EYA2: variants seen among roughly 807,000 people sequenced by gnomAD.
The protein encoded by EYA2 is EYA transcriptional coactivator and phosphatase 2, also known as protein phosphatase EYA2.
Under a neutral mutation model 69.2 loss-of-function variants are expected in EYA2, and 31 were observed. That is an observed-to-expected ratio of 0.45 (90% CI 0.34 to 0.60). The LOEUF (loss-of-function observed/expected upper bound fraction) is 0.60. EYA2 is among the 20% of genes least tolerant of loss of function. EYA2 has a pLI of 0.02. For synonymous variants in EYA2, 257 were observed against 279.4 expected (o/e 0.92, Z 0.80); for missense variants, 622 against 701.2 (o/e 0.89, Z 1.28).
At chr20:47,032,677 A>G (rs1276401337) in intron 5 of EYA2, among the ~76,000 whole-genome samples, 1 of 152,208 alleles carries the variant, frequency 6.6e-6, no homozygotes, top group Non-Finnish European at 1.5e-5. Flanking sequence ...CGAGAAAGCC[A>G]GATGCTGGGG....
chr20:47,079,923 A>T lies in EYA2; in HGVS notation c.661+5588A>T, dbSNP rs138499024. Among the ~76,000 whole-genome samples, 33 of 152,364 alleles carry T rather than the reference A, an allele frequency of 2.2e-4. No homozygotes were observed. In the East Asian group the frequency reaches 5.8e-3, roughly 27 times the overall value. On this transcript the variant is annotated intron_variant, in intron 7 of 15. Coordinates refer to ENST00000327619, the MANE Select transcript of EYA2 (RefSeq NM_005244.5). The stretch of plus-strand genomic sequence containing the variant: ...GAATTTCTAGAAGGATGCAATAAGA[A>T]CTGTTAATAGTCATTTTCTCTGGAG...
At chr20:46,973,275 G>GAGATATTC (rs1980248821) in intron 1 of EYA2, among the ~76,000 whole-genome samples, 1 of 152,188 alleles carries the variant, frequency 6.6e-6, no homozygotes, top group Non-Finnish European at 1.5e-5. Context: ...TACAGAACGT[G>GAGATATTC]AGATATTCTA....
chr20:47,045,741 T>C (rs1235516843), intron 5 of EYA2, among the ~76,000 whole-genome samples: 1 of 152,198 alleles, frequency 6.6e-6, no homozygotes, highest in East Asian at 1.9e-4. Flanking sequence ...TTTTTGAGAA[T>C]TTTTTTCAGC....
intron 1 of EYA2, among the ~76,000 whole-genome samples, chr20:46,984,110 A>G (rs1279680922): frequency 6.6e-6 from 1 of 152,206 alleles, no homozygotes; most frequent in African/African-American, 2.4e-5. Context: ...AAAAAGGCAG[A>G]CTCTAAATGA....
intron 1 of EYA2, among the ~76,000 whole-genome samples, chr20:46,974,071 A>G (rs559794733): frequency 2.6e-5 from 4 of 152,264 alleles, no homozygotes; most frequent in Admixed American, 1.3e-4. Flanking sequence ...AATGTCTTCA[A>G]TTTCTGTCCT....
chr20:47,182,379 G>A (rs1350902616), intron 14 of EYA2, among the ~76,000 whole-genome samples: 2 of 150,588 alleles, frequency 1.3e-5, no homozygotes, highest in African/African-American at 4.9e-5. Context: ...TGTAATCCCA[G>A]CACTTTGGGA....
intron 5 of EYA2, among the ~76,000 whole-genome samples, chr20:47,021,947 T>A (rs1983774998): frequency 6.6e-6 from 1 of 152,156 alleles, no homozygotes; most frequent in Non-Finnish European, 1.5e-5. Context: ...CTTCATGATC[T>A]GTGTTCCACA....
At chr20:47,145,747 A>C (rs769387163) in intron 10 of EYA2, among the ~76,000 whole-genome samples, 2 of 151,972 alleles carry the variant, frequency 1.3e-5, no homozygotes, top group Non-Finnish European at 2.9e-5. Flanking sequence ...AAAAATACAA[A>C]AATATTAGCC....
At chr20:47,159,064 C>G (rs987202455) in intron 10 of EYA2, among the ~76,000 whole-genome samples, 13 of 152,030 alleles carry the variant, frequency 8.6e-5, no homozygotes, top group African/African-American at 3.1e-4. Flanking sequence ...AAACAAATCT[C>G]CCACACAGAA....
At chr20:47,015,487 G>A (rs1983352910) in intron 4 of EYA2, among the ~76,000 whole-genome samples, 2 of 152,078 alleles carry the variant, frequency 1.3e-5, no homozygotes, top group African/African-American at 4.8e-5. Context: ...GAGGAAGGGT[G>A]GTTCATTTCA....
intron 1 of EYA2, among the ~76,000 whole-genome samples, chr20:46,899,055 C>A (rs1983961730): frequency 6.6e-6 from 1 of 152,168 alleles, no homozygotes; most frequent in Admixed American, 6.5e-5. Flanking sequence ...AAAGTGGATT[C>A]TTGCCGCAAC....
Position 47,058,082 on chromosome 20 carries a change from C to G in EYA2, c.416-14103C>G, listed in dbSNP as rs79313855. On this transcript the variant is annotated intron_variant, in intron 5 of 15. Coordinates refer to ENST00000327619, the MANE Select transcript of EYA2 (RefSeq NM_005244.5). ...CCAACAACTGAAAGTCTTCCAAGGGCTTGGATTAAGTTAATACCGGGTTTG... is the reference window on the plus strand; with the variant it reads ...CCAACAACTGAAAGTCTTCCAAGGGGTTGGATTAAGTTAATACCGGGTTTG... Among the ~76,000 whole-genome samples the G allele has an allele frequency of 3.1e-3, 475 of 151,276 alleles. 1 individual carries two copies. Among genetic ancestry groups the G allele is most frequent in the African/African-American group, 0.011 (448 of 41,084 alleles).
intron 9 of EYA2, among the ~76,000 whole-genome samples, chr20:47,129,699 G>T: frequency 6.6e-6 from 1 of 152,180 alleles, no homozygotes; most frequent in East Asian, 1.9e-4. Context: ...CTTTATAGTG[G>T]CCCAGCACAC....
At chr20:46,987,964 C>CTCTCTCTCTCTCTCTATATATATA (rs1555809797) in intron 1 of EYA2, among the ~76,000 whole-genome samples, 2 of 11,282 alleles carry the variant, frequency 1.8e-4, no homozygotes, top group African/African-American at 2.7e-4. Context: ...CTCTCTCTCT[C>CTCTCTCTCTCTCTCTATATATATA]TATATATATA....
intron 2 of EYA2, among the ~76,000 whole-genome samples, chr20:46,993,584 G>A (rs1300649369): frequency 2.0e-5 from 3 of 152,184 alleles, no homozygotes; most frequent in Admixed American, 1.3e-4. Context: ...TCAGCCATGT[G>A]CTTGGCATGG....
chr20:47,140,721 G>A (rs1458925043), intron 9 of EYA2, among the ~76,000 whole-genome samples: 1 of 152,126 alleles, frequency 6.6e-6, no homozygotes, highest in Non-Finnish European at 1.5e-5. Context: ...CTATAAAATG[G>A]GTGTTTTAGT....
In EYA2 at chr20:47,031,853, G is replaced by GA. The variant is rs1276686885; in HGVS notation, c.415+15564dup. On this transcript the variant is annotated intron_variant, in intron 5 of 15. Transcript: ENST00000327619. ...GGAAGGGGAGTGGAATGAGAAAAAG[G>GA]AAAAAAAATGCACCAAATTTTAAAA... is the stretch of plus-strand genomic sequence containing the variant. 3.5e-4 allele frequency among the ~76,000 whole-genome samples: 53 copies of GA among 151,524 alleles called. 1 individual carries two copies. Among genetic ancestry groups the GA allele is most frequent in the East Asian group, 1.9e-4 (1 of 5,156 alleles).
chr20:47,019,971 T>TAAAAA lies in EYA2; in HGVS notation c.415+3686_415+3690dup, dbSNP rs113968732. Among the ~76,000 whole-genome samples the TAAAAA allele has an allele frequency of 1.7e-4, 22 of 133,014 alleles. 1 individual carries two copies. Among genetic ancestry groups the TAAAAA allele is most frequent in the African/African-American group, 4.3e-4 (15 of 34,984 alleles). 87.3% of individuals were successfully genotyped at this position (133,014 alleles called of 152,430 possible). On this transcript the variant is annotated intron_variant, in intron 5 of 15. Coordinates refer to ENST00000327619, the MANE Select transcript of EYA2 (RefSeq NM_005244.5). ...GAGCAATAGAGCAAGACCCTATCTT[T>TAAAAA]AAAAAAAAAAAAAAAATGCTGGGCA...
At chr20:46,983,147 A>G (rs1255490820) in intron 1 of EYA2, among the ~76,000 whole-genome samples, 2 of 152,180 alleles carry the variant, frequency 1.3e-5, no homozygotes, top group African/African-American at 4.8e-5. Context: ...TTATTATATT[A>G]TCACAGTTGC....
Sources: allele counts gnomAD v4.1 joint callset (sites outside exome capture counted in the v4.1 genomes callset), GRCh38; gene constraint gnomAD v4.1.1; transcripts MANE v1.5; gene names NCBI Gene and HGNC (gene_info 2026-07-23, HGNC 2026-07-21).